The following SLC24A2 variants were observed in gnomAD, a reference collection of about 807,000 sequenced individuals.
The protein encoded by SLC24A2 is solute carrier family 24 member 2, also known as sodium/potassium/calcium exchanger 2.
In SLC24A2, 36 loss-of-function variants were observed where a neutral mutation model predicts 62.0. The observed-to-expected ratio is 0.58, with a 90% CI of 0.44 to 0.77. The LOEUF (loss-of-function observed/expected upper bound fraction) is 0.77. SLC24A2 is among the 30% of genes least tolerant of loss of function. The pLI is 0.00. For missense variants in SLC24A2, 846 were observed against 817.9 expected, an observed-to-expected ratio of 1.03 and a Z score of -0.42; for synonymous variants, 358 against 294.0, an observed-to-expected ratio of 1.22 and a Z score of -2.23.
intron 8 of SLC24A2, among the ~76,000 whole-genome samples, chr9:19,546,529 C>T (rs916400057): frequency 1.3e-5 from 2 of 152,132 alleles, no homozygotes; most frequent in African/African-American, 4.8e-5. Context: ...TGGTTGACAC[C>T]CCTTCCCCCA....
the SLC24A2 span, among the ~76,000 whole-genome samples, chr9:19,923,802 C>T: frequency 4.6e-5 from 7 of 152,162 alleles, no homozygotes; most frequent in East Asian, 1.3e-3. Flanking sequence ...GGCTGGAGTG[C>T]GATGGCACAA....
the SLC24A2 span, among the ~76,000 whole-genome samples, chr9:20,007,574 A>G: frequency 6.6e-5 from 10 of 152,182 alleles, no homozygotes; most frequent in African/African-American, 2.4e-4. Context: ...TCCATTTATG[A>G]GTATATAAAG....
At chr9:20,104,879 G>C in the SLC24A2 span, among the ~76,000 whole-genome samples, 1 of 152,154 alleles carries the variant, frequency 6.6e-6, no homozygotes, top group African/African-American at 2.4e-5. Flanking sequence ...TGGACTAAAT[G>C]CTCCAATTAA....
intron 9 of SLC24A2, among the ~76,000 whole-genome samples, chr9:19,525,171 G>A (rs927622153): frequency 6.6e-6 from 1 of 151,946 alleles, no homozygotes; most frequent in Non-Finnish European, 1.5e-5. Flanking sequence ...GAAATATCCA[G>A]GAAGAGTAAT....
the SLC24A2 span, among the ~76,000 whole-genome samples, chr9:19,865,336 TA>T: frequency 6.6e-6 from 1 of 151,892 alleles, no homozygotes; most frequent in African/African-American, 2.4e-5. Flanking sequence ...AAAGCAACCC[TA>T]AAAATCAATC....
chr9:20,231,796 C>T, the SLC24A2 span, among the ~76,000 whole-genome samples: 2 of 146,698 alleles, frequency 1.4e-5, no homozygotes, highest in African/African-American at 2.7e-5. Context: ...TGAGAGAGGG[C>T]ATCCCTGTCT....
chr9:19,977,623 G>T, the SLC24A2 span, among the ~76,000 whole-genome samples: 2 of 152,160 alleles, frequency 1.3e-5, no homozygotes, highest in Non-Finnish European at 1.5e-5. Context: ...ATGTGTGTCA[G>T]GCAAGTAGCT....
chr9:19,709,222 T>G (rs1359910470), intron 2 of SLC24A2, among the ~76,000 whole-genome samples: 4 of 151,764 alleles, frequency 2.6e-5, no homozygotes, highest in Admixed American at 1.3e-4. Flanking sequence ...CTCACACCAG[T>G]TAGAATGGCA....
intron 2 of SLC24A2, among the ~76,000 whole-genome samples, chr9:19,761,137 T>C (rs1409352226): frequency 6.6e-6 from 1 of 152,238 alleles, no homozygotes; most frequent in East Asian, 1.9e-4. Flanking sequence ...CATGTGTCTT[T>C]ATAGTAGAAT....
chr9:19,777,774 C>G (rs967289730), intron 2 of SLC24A2, among the ~76,000 whole-genome samples: 2 of 151,884 alleles, frequency 1.3e-5, no homozygotes, highest in Non-Finnish European at 2.9e-5. Flanking sequence ...ATGCTATATG[C>G]GAAAATGTGC....
At chr9:19,943,161 A>G in the SLC24A2 span, among the ~76,000 whole-genome samples, 2 of 152,202 alleles carry the variant, frequency 1.3e-5, no homozygotes, top group African/African-American at 2.4e-5. Context: ...AGTGCCCTAC[A>G]AATGTGCTAC....
the SLC24A2 span, among the ~76,000 whole-genome samples, chr9:20,225,844 T>C: frequency 4.6e-5 from 7 of 151,910 alleles, no homozygotes; most frequent in East Asian, 7.8e-4. Context: ...GGTCTGAGGA[T>C]ATTGTTTCCC....
At chr9:19,873,430 C>A in the SLC24A2 span, among the ~76,000 whole-genome samples, 1 of 142,466 alleles carries the variant, frequency 7.0e-6, no homozygotes, top group Non-Finnish European at 1.5e-5. Context: ...CTCTTTCTCT[C>A]TCTCCTTCCT....
the SLC24A2 span, among the ~76,000 whole-genome samples, chr9:19,920,799 A>C: frequency 5.2e-3 from 798 of 152,290 alleles, 19 homozygotes; most frequent in Middle Eastern, 0.031. Context: ...TATACAACCT[A>C]CATGACGTGT....
the SLC24A2 span, among the ~76,000 whole-genome samples, chr9:19,800,885 G>T: frequency 5.9e-5 from 9 of 152,114 alleles, no homozygotes; most frequent in African/African-American, 2.2e-4. Context: ...TTCATGAGTG[G>T]GATGGAGAGG....
the SLC24A2 span, among the ~76,000 whole-genome samples, chr9:19,951,603 G>A: frequency 6.6e-6 from 1 of 151,818 alleles, no homozygotes; most frequent in Non-Finnish European, 1.5e-5. Context: ...GGTGCAGTTT[G>A]TTAAAAGACA....
At chr9:19,878,043 C>T in the SLC24A2 span, among the ~76,000 whole-genome samples, 1 of 152,162 alleles carries the variant, frequency 6.6e-6, no homozygotes, top group Non-Finnish European at 1.5e-5. Context: ...AGGCAGCAGA[C>T]CTGTTACCAC....
At chr9:20,012,139 A>G in the SLC24A2 span, among the ~76,000 whole-genome samples, 2 of 152,224 alleles carry the variant, frequency 1.3e-5, no homozygotes, top group Non-Finnish European at 2.9e-5. Context: ...CAAGGCAGAG[A>G]TACCCACTGT....
At chr9:20,047,416 G>C in the SLC24A2 span, among the ~76,000 whole-genome samples, 1 of 151,652 alleles carries the variant, frequency 6.6e-6, no homozygotes, top group Non-Finnish European at 1.5e-5. Context: ...TTAAATGTCA[G>C]CTATTTTCAT....
Sources: gnomAD v4.1 joint callset for allele counts (sites outside exome capture counted in the v4.1 genomes callset) on GRCh38, gnomAD v4.1.1 for gene constraint, MANE v1.5 for transcripts, NCBI Gene and HGNC (gene_info 2026-07-23, HGNC 2026-07-21) for gene names.